The following TMEM132D variants were observed in gnomAD, a reference collection of about 807,000 sequenced individuals.
TMEM132D encodes mature OL transmembrane protein.
In TMEM132D, 21 loss-of-function variants were observed where a neutral mutation model predicts 62.3. The ratio of observed to expected loss-of-function variants is 0.34; its 90% CI spans 0.24 to 0.49. TMEM132D has a LOEUF of 0.49. TMEM132D is among the 20% of genes least tolerant of loss of function. TMEM132D has a pLI of 0.99. For missense variants in TMEM132D, 1,346 were observed against 1,402.8 expected, an observed-to-expected ratio of 0.96 and a Z score of 0.65; for synonymous variants, 621 against 575.6, an observed-to-expected ratio of 1.08 and a Z score of -1.13.
At chr12:129,243,494 G>A (rs1028005976) in intron 4 of TMEM132D, among the ~76,000 whole-genome samples, 6 of 152,104 alleles carry the variant, frequency 3.9e-5, no homozygotes, top group African/African-American at 9.7e-5. Flanking sequence ...TGCAGAGTCC[G>A]GCTTAACCTT....
intron 7 of TMEM132D, among the ~76,000 whole-genome samples, chr12:129,080,281 C>T (rs561008964): frequency 9.8e-5 from 15 of 152,312 alleles, no homozygotes; most frequent in Non-Finnish European, 2.1e-4. Context: ...TTCTTGGCAG[C>T]TTTTGGCTCT....
At chr12:129,818,312 T>C (rs1872429570) in intron 1 of TMEM132D, among the ~76,000 whole-genome samples, 1 of 148,408 alleles carries the variant, frequency 6.7e-6, no homozygotes, top group Non-Finnish European at 1.5e-5. Flanking sequence ...TGTGTGTGTG[T>C]CTATGTCTGT....
intron 3 of TMEM132D, among the ~76,000 whole-genome samples, chr12:129,410,770 GTACATGTGCATACAT>G (rs938889840): frequency 1.3e-5 from 2 of 152,134 alleles, no homozygotes; most frequent in African/African-American, 4.8e-5. Context: ...AAGTTCAGGA[GTACATGTGCATACAT>G]TACATGTGCA....
intron 5 of TMEM132D, among the ~76,000 whole-genome samples, chr12:129,159,324 C>A (rs1165408150): frequency 6.6e-6 from 1 of 152,138 alleles, no homozygotes; most frequent in South Asian, 2.1e-4. Context: ...CTGTGAAAAC[C>A]TGAAACCGGG....
At chr12:129,405,821 T>TA (rs1338669029) in intron 3 of TMEM132D, among the ~76,000 whole-genome samples, 2 of 152,096 alleles carry the variant, frequency 1.3e-5, no homozygotes, top group African/African-American at 2.4e-5. Flanking sequence ...AATATTTAGG[T>TA]GACTGTCCTT....
At chr12:129,658,660 A>G (rs1387464011) in intron 2 of TMEM132D, among the ~76,000 whole-genome samples, 1 of 152,196 alleles carries the variant, frequency 6.6e-6, no homozygotes, top group African/African-American at 2.4e-5. Flanking sequence ...CAGCCTAAGA[A>G]GCCTTGAAGC....
intron 2 of TMEM132D, among the ~76,000 whole-genome samples, chr12:129,604,013 G>A (rs1339007141): frequency 6.6e-6 from 1 of 152,182 alleles, no homozygotes; most frequent in East Asian, 1.9e-4. Context: ...CATGTCCTTT[G>A]CAGGGACATG....
At chr12:129,168,527 T>C (rs2135545296) in intron 5 of TMEM132D, among the ~76,000 whole-genome samples, 1 of 152,296 alleles carries the variant, frequency 6.6e-6, no homozygotes, top group Non-Finnish European at 1.5e-5. Flanking sequence ...ATATAAGACA[T>C]GCCTTTCACG....
At chr12:129,452,832 G>A (rs1036313310) in intron 3 of TMEM132D, among the ~76,000 whole-genome samples, 1 of 152,128 alleles carries the variant, frequency 6.6e-6, no homozygotes, top group Non-Finnish European at 1.5e-5. Flanking sequence ...GTTAAATCAG[G>A]TATAACATAT....
intron 2 of TMEM132D, among the ~76,000 whole-genome samples, chr12:129,597,445 C>T (rs12819591): frequency 0.069 from 10,439 of 152,252 alleles, 550 homozygotes; most frequent in Middle Eastern, 0.15. Context: ...AGAGCTGTAG[C>T]GCTTACCAGC....
At chr12:129,327,937 C>T (rs1410511852) in intron 4 of TMEM132D, among the ~76,000 whole-genome samples, 2 of 152,222 alleles carry the variant, frequency 1.3e-5, no homozygotes, top group Non-Finnish European at 2.9e-5. Flanking sequence ...CTGAACTCAT[C>T]TCCTTGTACC....
intron 4 of TMEM132D, among the ~76,000 whole-genome samples, chr12:129,236,114 G>GTC (rs1230453567): frequency 7.7e-6 from 1 of 130,380 alleles, no homozygotes; most frequent in South Asian, 2.7e-4. Flanking sequence ...TTGTGTGTGT[G>GTC]TGTGTGTGTG....
chr12:129,103,627 C>T (rs1422692359), intron 5 of TMEM132D, among the ~76,000 whole-genome samples: 1 of 152,204 alleles, frequency 6.6e-6, no homozygotes, highest in African/African-American at 2.4e-5. Flanking sequence ...TCGTGATCTG[C>T]CCACCTCAGC....
At chr12:129,396,788 C>T (rs1871444597) in intron 3 of TMEM132D, among the ~76,000 whole-genome samples, 1 of 152,134 alleles carries the variant, frequency 6.6e-6, no homozygotes, top group African/African-American at 2.4e-5. Flanking sequence ...CTTTATACCC[C>T]CAATTTTTTA....
chr12:129,761,970 T>C (rs998775635), intron 1 of TMEM132D, among the ~76,000 whole-genome samples: 8 of 152,172 alleles, frequency 5.3e-5, no homozygotes, highest in Admixed American at 5.2e-4. Context: ...TGGATTAAAG[T>C]GCTCACAACA....
chr12:129,647,241 CTGTT>C (rs1879808590), intron 2 of TMEM132D, among the ~76,000 whole-genome samples: 1 of 75,350 alleles, frequency 1.3e-5, no homozygotes, highest in African/African-American at 5.6e-5. Flanking sequence ...CTTTGTTTTT[CTGTT>C]TTTTTTTTTT....
chr12:129,719,488 A>G (rs1228760800), intron 1 of TMEM132D, among the ~76,000 whole-genome samples: 1 of 152,246 alleles, frequency 6.6e-6, no homozygotes, highest in Non-Finnish European at 1.5e-5. Context: ...TCCTGTCTAT[A>G]AAGTTCTGAA....
chr12:129,096,075 G>C (rs1160436375), intron 5 of TMEM132D, among the ~76,000 whole-genome samples: 3 of 152,172 alleles, frequency 2.0e-5, no homozygotes, highest in African/African-American at 4.8e-5. Context: ...GAGGACAACT[G>C]TCTACCTGGC....
intron 7 of TMEM132D, among the ~76,000 whole-genome samples, chr12:129,080,834 C>T (rs942674296): frequency 6.6e-6 from 1 of 152,150 alleles, no homozygotes; most frequent in African/African-American, 2.4e-5. Context: ...ATGACCAAAC[C>T]CTTACAAGCC....
Sources: gnomAD v4.1 joint callset for allele counts (sites outside exome capture counted in the v4.1 genomes callset) on GRCh38, gnomAD v4.1.1 for gene constraint, MANE v1.5 for transcripts, NCBI Gene and HGNC (gene_info 2026-07-23, HGNC 2026-07-21) for gene names.